DNAAF9: variants seen among roughly 807,000 people sequenced by gnomAD.
DNAAF9 encodes shulin.
DNAAF9 carries 90 observed loss-of-function variants against 167.0 expected under a neutral mutation model. The ratio of observed to expected loss-of-function variants is 0.54; its 90% CI spans 0.45 to 0.64. The LOEUF (loss-of-function observed/expected upper bound fraction) is 0.64. Ranked by LOEUF, DNAAF9 falls within the 30% of genes least tolerant of loss-of-function variation. The pLI is 0.00. For missense variants in DNAAF9, 1,315 were observed against 1,442.2 expected (o/e 0.91, Z 1.43); for synonymous variants, 491 against 508.8 (o/e 0.96, Z 0.47).
intron 1 of DNAAF9, among the ~76,000 whole-genome samples, chr20:3,401,603 T>C (rs201268885): frequency 5.8e-3 from 1 of 172 alleles, no homozygotes; most frequent in Non-Finnish European, 0.011. Flanking sequence ...ATTATTATCT[T>C]TCATTCAATA....
intron 25 of DNAAF9, among the ~76,000 whole-genome samples, chr20:3,293,116 ACC>A (rs1258674750): frequency 1.3e-5 from 2 of 150,750 alleles, no homozygotes; most frequent in African/African-American, 4.9e-5. Context: ...ACACGGTGAA[ACC>A]CCGTCTCTAC....
At chr20:3,373,421 A>T (rs936252923) in intron 6 of DNAAF9, among the ~76,000 whole-genome samples, 1 of 152,154 alleles carries the variant, frequency 6.6e-6, no homozygotes, top group East Asian at 1.9e-4. Context: ...CATTTTCCTT[A>T]ATCTGTACTC....
chr20:3,270,432 G>A lies in DNAAF9; in HGVS notation c.2781C>T (p.Val927=), dbSNP rs765697590. 6.2e-7 allele frequency: 1 copy of A among 1,613,604 alleles called. No homozygotes were observed. The highest frequency in any genetic ancestry group is 8.5e-7 in the Non-Finnish European group (1 of 1,179,706). Residue 927 remains valine, a synonymous_variant, in exon 30 of 37, where the codon GTC becomes GTT. Transcript: ENST00000252032. The stretch of plus-strand genomic sequence containing the variant: ...AGAGTGAATCTATAGATTACCTGGT[G>A]ACAATCCCATTTTCTGCAAGAATGA... The part of the protein sequence containing the change: ...AAFILAENGI[V]TRNEDIELIL...
intron 20 of DNAAF9, among the ~76,000 whole-genome samples, chr20:3,313,161 A>G (rs1012197731): frequency 1.3e-5 from 2 of 152,212 alleles, no homozygotes; most frequent in African/African-American, 4.8e-5. Context: ...TGTGCCTACA[A>G]TCTGCTTTCA....
chr20:3,349,365 G>A (rs1392793895), intron 7 of DNAAF9, among the ~76,000 whole-genome samples: 1 of 152,096 alleles, frequency 6.6e-6, no homozygotes, highest in African/African-American at 2.4e-5. Context: ...CTGGGTGACA[G>A]AACGAGACTC....
intron 29 of DNAAF9, among the ~76,000 whole-genome samples, chr20:3,273,078 G>A (rs1341062334): frequency 6.6e-6 from 1 of 152,094 alleles, no homozygotes; most frequent in African/African-American, 2.4e-5. Flanking sequence ...TGATCCACCC[G>A]CCTCGGCCTC....
Position 3,279,323 on chromosome 20 carries a change from C to A in DNAAF9, c.2613-374G>T, listed in dbSNP as rs145817634. On this transcript the variant is annotated intron_variant, in intron 28 of 36. Coordinates refer to ENST00000252032, the MANE Select transcript of DNAAF9 (RefSeq NM_001009984.3). ...AAGAATTACACTCATCTAACTCTAC[C>A]AGGGGCCTTTAATACCAAAGCTGCC... Among the ~76,000 whole-genome samples the A allele has an allele frequency of 7.9e-5, 12 of 152,224 alleles. No individual in the cohort carries two copies. In the East Asian group the frequency reaches 2.3e-3, roughly 29 times the overall value.
At chr20:3,297,996 G>A in intron 22 of DNAAF9, 33 bp downstream of exon 22, 1 of 1,564,514 alleles carries the variant, frequency 6.4e-7, no homozygotes, top group Non-Finnish European at 8.8e-7. Flanking sequence ...AAAAAAAGTA[G>A]TAGTAGTTTT....
intron 10 of DNAAF9, among the ~76,000 whole-genome samples, chr20:3,338,330 C>T (rs1035800972): frequency 3.3e-5 from 5 of 152,030 alleles, no homozygotes; most frequent in African/African-American, 9.7e-5. Context: ...GATAAGAAGT[C>T]CCCTGGAATT....
Position 3,340,514 on chromosome 20 carries a change from G to C in DNAAF9, c.971C>G (p.Ala324Gly). 6.6e-7 allele frequency: 1 copy of C among 1,504,386 alleles called. No individual in the cohort carries two copies. The highest frequency in any genetic ancestry group is 9.0e-7 in the Non-Finnish European group (1 of 1,115,192). 93.2% of individuals were successfully genotyped at this position (1,504,386 alleles called of 1,614,324 possible). The stretch of plus-strand genomic sequence containing the variant: ...AGTCCAGCCACTTACCATGTGCTTG[G>C]CAAAGCTCCCGCCGGGACCAGTGCT... ...VRSTGPGGSF[A>G]KHMVAQCVSP... Residue 324 changes from alanine (A) to glycine (G), a missense_variant, in exon 10 of 37, where the codon GCC becomes GGC. This residue lies in a region of DNAAF9 where 981 missense variants were observed against 1,012.5 expected (regional missense o/e 0.97). Transcript: ENST00000252032.
chr20:3,351,768 T>C (rs1361800494), intron 7 of DNAAF9, among the ~76,000 whole-genome samples: 1 of 152,222 alleles, frequency 6.6e-6, no homozygotes, highest in Non-Finnish European at 1.5e-5. Context: ...GAGGTTCTGT[T>C]GCTTTGCTTT....
intron 2 of DNAAF9, among the ~76,000 whole-genome samples, 182 bp from the exon 3 acceptor site, chr20:3,381,680 T>C (rs2083656627): frequency 6.6e-6 from 1 of 152,198 alleles, no homozygotes; most frequent in Non-Finnish European, 1.5e-5. Flanking sequence ...ATCAAGTACC[T>C]TTACTTGAAT....
In DNAAF9 at chr20:3,359,529, C is replaced by G; in HGVS notation, c.677G>C (p.Ser226Thr). 6.2e-7 allele frequency: 1 copy of G among 1,610,242 alleles called. No individual in the cohort carries two copies. Among genetic ancestry groups the G allele is most frequent in the Non-Finnish European group, 8.5e-7 (1 of 1,178,186 alleles). The change falls in exon 7 of 37, where the codon AGT becomes ACT. Residue 226 changes from serine (S) to threonine (T), a missense_variant. Ser to Thr is a moderately conservative substitution (Grantham distance 58). Around this residue, in one of 2 missense-constraint regions of DNAAF9, gnomAD observed 981 missense variants for 1,012.5 expected, o/e 0.97. Coordinates refer to ENST00000252032, the MANE Select transcript of DNAAF9 (RefSeq NM_001009984.3). ...TTGGCTCCTTACATCTGAAAGCAAA[C>G]TCTCCAGAGACATAGGATCCATCTT... ...YSKMDPMSLE[S>T]LLSDDLVAFE...
chr20:3,255,170 G>A (rs1244225447), intron 35 of DNAAF9, 49 bp downstream of exon 35: 9 of 1,187,716 alleles, frequency 7.6e-6, no homozygotes, highest in South Asian at 5.2e-5. Flanking sequence ...TAGGCAAGCC[G>A]AGGACAGCCC....
chr20:3,317,377 A>C (rs1424068030), intron 17 of DNAAF9, among the ~76,000 whole-genome samples: 4 of 141,902 alleles, frequency 2.8e-5, no homozygotes, highest in South Asian at 2.2e-4. Flanking sequence ...AAAAAAAAAA[A>C]AAAACCCCAA....
chr20:3,299,558 C>G (rs1384259994), intron 21 of DNAAF9, among the ~76,000 whole-genome samples: 1 of 152,260 alleles, frequency 6.6e-6, no homozygotes, highest in East Asian at 1.9e-4. Context: ...GTGATCTGCC[C>G]TCCTTGGCCT....
rs2236115 is a variant in DNAAF9 at position 3,315,632 on chromosome 20, G to A, written c.1590+103C>T. 199,698 of 906,764 alleles carry A rather than the reference G, an allele frequency of 0.22. 23,294 individuals carry two copies. Among genetic ancestry groups the A allele is most frequent in the African/African-American group, 0.37 (22,747 of 61,048 alleles). The allele number at this position is 906,764 out of a possible 1,614,324, so 56.2% of individuals were successfully genotyped here. A position where few individuals can be genotyped will look rare whatever the true frequency, so the allele number is the denominator to read the frequency against. ...AGGAAGTGAAGACAACATAGTGCAA[G>A]TCTTTTAGATTAGTAGTGAGATGAA... On this transcript the variant is annotated intron_variant, in intron 19 of 36. Transcript: ENST00000252032. This position sits in a 1 kb window ranked among gnomAD's most constrained non-coding sequence, Gnocchi z 4.1.
intron 33 of DNAAF9, 93 bp downstream of exon 33, chr20:3,259,387 T>C: frequency 2.4e-6 from 2 of 850,724 alleles, no homozygotes; most frequent in Non-Finnish European, 4.1e-6. Context: ...GCAGCATCAG[T>C]GGTCTGCAGA....
chr20:3,376,833 G>A (rs2083581971), intron 3 of DNAAF9, among the ~76,000 whole-genome samples: 1 of 152,202 alleles, frequency 6.6e-6, no homozygotes, highest in East Asian at 1.9e-4. Flanking sequence ...GGGAGGCTGA[G>A]GCGGATGGAT....
Sources: gnomAD v4.1 joint callset for allele counts (sites outside exome capture counted in the v4.1 genomes callset) on GRCh38, gnomAD v4.1.1 for gene constraint, gnomAD v4.1.1 regional missense constraint, Gnocchi (gnomAD v3.1) non-coding constraint, MANE v1.5 for transcripts, NCBI Gene and HGNC (gene_info 2026-07-23, HGNC 2026-07-21) for gene names.